The following ADGRL3 variants were observed in gnomAD, a reference collection of about 807,000 sequenced individuals.
ADGRL3 encodes the protein calcium-independent alpha-latrotoxin receptor 3.
In ADGRL3, 62 loss-of-function variants were observed where a neutral mutation model predicts 153.5. That is an observed-to-expected ratio of 0.40 (90% CI 0.33 to 0.50). The LOEUF (loss-of-function observed/expected upper bound fraction) is 0.50. Ranked by LOEUF, ADGRL3 falls within the 20% of genes least tolerant of loss-of-function variation. The probability of loss-of-function intolerance (pLI) is 0.47; values close to 1 mark genes in which losing one functional copy is unlikely to be tolerated. For synonymous variants in ADGRL3, 710 were observed against 672.5 expected, an observed-to-expected ratio of 1.06 and a Z score of -0.86; for missense variants, 1,641 against 1,859.4, an observed-to-expected ratio of 0.88 and a Z score of 2.16.
chr4:61,488,503 G>T (rs1331268395), intron 2 of ADGRL3, among the ~76,000 whole-genome samples: 3 of 151,934 alleles, frequency 2.0e-5, no homozygotes, highest in Non-Finnish European at 4.4e-5. Flanking sequence ...GTAGGGTATT[G>T]CAGGGAAGAA....
chr4:62,023,183 A>G (rs2099245943), intron 21 of ADGRL3, among the ~76,000 whole-genome samples: 1 of 152,146 alleles, frequency 6.6e-6, no homozygotes, highest in African/African-American at 2.4e-5. Context: ...GGAGTTCAAG[A>G]CTTTAGTGGA....
At chr4:61,387,335 G>T (rs149566674) in intron 2 of ADGRL3, among the ~76,000 whole-genome samples, 1,726 of 152,182 alleles carry the variant, frequency 0.011, 31 homozygotes, top group African/African-American at 0.039. Flanking sequence ...ATGAAGTTTT[G>T]GGCACCATTG....
At chr4:61,247,873 T>C (rs1221202132) in intron 1 of ADGRL3, among the ~76,000 whole-genome samples, 2 of 152,080 alleles carry the variant, frequency 1.3e-5, no homozygotes, top group African/African-American at 4.8e-5. Flanking sequence ...CGATACTTTA[T>C]AGTAACCAAG....
chr4:62,049,078 A>T (rs1254142823), intron 25 of ADGRL3, among the ~76,000 whole-genome samples: 1 of 151,918 alleles, frequency 6.6e-6, no homozygotes, highest in Non-Finnish European at 1.5e-5. Flanking sequence ...TATTGGCTTT[A>T]TCTCATCATA....
chr4:61,926,061 C>G (rs2098793052), intron 13 of ADGRL3, among the ~76,000 whole-genome samples: 1 of 152,126 alleles, frequency 6.6e-6, no homozygotes, highest in South Asian at 2.1e-4. Flanking sequence ...ACCTGTACAG[C>G]ATGTTACTGT....
At chr4:61,428,776 A>T (rs1350247) in intron 2 of ADGRL3, among the ~76,000 whole-genome samples, 141,702 of 152,082 alleles carry the variant, frequency 0.93, 66,846 homozygotes, top group East Asian at 1. Context: ...GACCTATCTA[A>T]CTGTATCTCT....
chr4:61,741,262 A>G (rs946562608), intron 8 of ADGRL3, among the ~76,000 whole-genome samples: 5 of 152,112 alleles, frequency 3.3e-5, no homozygotes, highest in African/African-American at 1.2e-4. Flanking sequence ...CTTAAATCAA[A>G]CTTGTCCTCA....
intron 8 of ADGRL3, among the ~76,000 whole-genome samples, chr4:61,792,496 A>AT (rs200393934): frequency 0.044 from 5,067 of 115,768 alleles, 124 homozygotes; most frequent in East Asian, 0.2. Context: ...TTATTTTATT[A>AT]TTTTTTTTTT....
At chr4:61,449,051 A>G (rs1370819091) in intron 2 of ADGRL3, among the ~76,000 whole-genome samples, 1 of 152,172 alleles carries the variant, frequency 6.6e-6, no homozygotes, top group Admixed American at 6.5e-5. Flanking sequence ...AGCACTTATA[A>G]TTTGAAGACA....
chr4:61,248,634 A>G (rs941749525), intron 1 of ADGRL3, among the ~76,000 whole-genome samples: 11 of 152,264 alleles, frequency 7.2e-5, no homozygotes, highest in African/African-American at 1.4e-4. Flanking sequence ...GCTATCTTAT[A>G]TTTGTCTAAA....
Position 62,077,727 on chromosome 4 carries a change from A to T in ADGRL3, c.*6819A>T, listed in dbSNP as rs1037996329. 1 of 151,950 alleles carries T rather than the reference A, an allele frequency of 6.6e-6. No individual in the cohort carries two copies. Among genetic ancestry groups the T allele is most frequent in the African/African-American group, 2.4e-5 (1 of 41,418 alleles). The allele number at this position is 151,950 out of a possible 1,614,324, so 9.4% of individuals were successfully genotyped here. On this transcript the variant is annotated 3_prime_UTR_variant, in exon 27 of 27. Transcript: ENST00000683033. ...TGAATGACATTTTGAATCAATAAAA[A>T]TGAGAAAAAAACATTTAAATTTGGT...
intron 4 of ADGRL3, among the ~76,000 whole-genome samples, chr4:61,520,475 G>T (rs959911454): frequency 6.6e-6 from 1 of 151,842 alleles, no homozygotes; most frequent in Non-Finnish European, 1.5e-5. Flanking sequence ...CTCTACTCTG[G>T]GCTCATTTTA....
At position 61,263,917 on chromosome 4, in the gene ADGRL3, T is replaced by A. The variant is rs533278207; in HGVS notation, c.-240+62152T>A. On this transcript the variant is annotated intron_variant, in intron 1 of 26. Coordinates refer to ENST00000683033, the MANE Select transcript of ADGRL3 (RefSeq NM_001387552.1). ...GGGTAGTTTTTTTTTTTCATTTCGT[T>A]CCAGGTTAATTTTGATTTCCTTTGT... 1.5e-3 allele frequency among the ~76,000 whole-genome samples: 222 copies of A among 152,060 alleles called. 5 individuals carry two copies. The highest frequency in any genetic ancestry group is 1.3e-4 in the Non-Finnish European group (9 of 67,900).
chr4:62,057,753 C>T (rs544111460), intron 25 of ADGRL3, among the ~76,000 whole-genome samples: 12 of 152,276 alleles, frequency 7.9e-5, no homozygotes, highest in Non-Finnish European at 1.6e-4. Flanking sequence ...TCTCAACTAA[C>T]TGCAACCTCT....
chr4:61,701,661 T>A (rs2095763283), intron 6 of ADGRL3, among the ~76,000 whole-genome samples: 1 of 151,906 alleles, frequency 6.6e-6, no homozygotes, highest in South Asian at 2.1e-4. Flanking sequence ...GGTCTCAAAC[T>A]CCTGACCTCA....
intron 1 of ADGRL3, among the ~76,000 whole-genome samples, chr4:61,308,781 G>A (rs945029460): frequency 1.3e-5 from 2 of 152,126 alleles, no homozygotes; most frequent in East Asian, 3.9e-4. Context: ...TCTTAAACAG[G>A]TCTTTGAAAC....
intron 1 of ADGRL3, among the ~76,000 whole-genome samples, chr4:61,318,649 A>C (rs928324239): frequency 1.3e-5 from 2 of 152,202 alleles, no homozygotes; most frequent in Non-Finnish European, 2.9e-5. Context: ...TGACAAAAGC[A>C]TTATGAATTT....
intron 8 of ADGRL3, among the ~76,000 whole-genome samples, chr4:61,753,411 C>T (rs2096781559): frequency 6.6e-6 from 1 of 152,102 alleles, no homozygotes; most frequent in African/African-American, 2.4e-5. Context: ...GTCTGAATGC[C>T]TCTGGTGATG....
intron 1 of ADGRL3, among the ~76,000 whole-genome samples, chr4:61,287,518 ATTGT>A (rs1454969246): frequency 6.6e-6 from 1 of 152,012 alleles, no homozygotes; most frequent in East Asian, 1.9e-4. Context: ...TTGGAAAACA[ATTGT>A]TTGAATAAAT....
Sources: gnomAD v4.1 joint callset for allele counts (sites outside exome capture counted in the v4.1 genomes callset) on GRCh38, gnomAD v4.1.1 for gene constraint, MANE v1.5 for transcripts, NCBI Gene and HGNC (gene_info 2026-07-23, HGNC 2026-07-21) for gene names.